The following DUOXA1 variants were observed in gnomAD, a reference collection of about 807,000 sequenced individuals.
The protein encoded by DUOXA1 is dual oxidase maturation factor 1.
A neutral mutation model predicts 26.6 loss-of-function variants in DUOXA1; 19 were observed. The ratio of observed to expected loss-of-function variants is 0.71; its 90% CI spans 0.50 to 1.05. The LOEUF is 1.05. DUOXA1 is among the 50% of genes least tolerant of loss of function. DUOXA1 has a pLI of 0.00. For missense variants in DUOXA1, 403 were observed against 427.5 expected (o/e 0.94, Z 0.51); for synonymous variants, 166 against 177.0 (o/e 0.94, Z 0.49).
At chr15:45,123,367 A>G (rs1232596295) in intron 3 of DUOXA1, among the ~76,000 whole-genome samples, 2 of 152,150 alleles carry the variant, frequency 1.3e-5, no homozygotes. Flanking sequence ...AAGAAATAAA[A>G]TTCTCTTCTC....
At position 45,122,900 on chromosome 15, in the gene DUOXA1, T is replaced by A. The variant is rs1178285317; in HGVS notation, c.115A>T (p.Ile39Phe). The A allele has an allele frequency of 1.2e-6, 2 of 1,612,054 alleles. No individual in the cohort carries two copies. The highest frequency in any genetic ancestry group is 1.7e-6 in the Non-Finnish European group (2 of 1,179,332). ...MIFLTALATF[I>F]VILPGIRGKT... ...CCCCGAATGCCAGGCAGGATGACGA[T>A]GAACGTGGCCAGTGCAGTCAGAAAG... The change falls in exon 4 of 9, where the codon ATC becomes TTC. Residue 39 changes from isoleucine to phenylalanine, a missense_variant. Coordinates refer to ENST00000560572, the MANE Select transcript of DUOXA1 (RefSeq NM_001276266.2).
At position 45,117,939 on chromosome 15, in the gene DUOXA1, C is replaced by T; in HGVS notation, c.*1167G>A. On this transcript the variant is annotated 3_prime_UTR_variant, in exon 9 of 9. Transcript: ENST00000560572. Reference sequence around the variant, plus strand: ...GACCCAATCTGGACTCCTTCCCCGCCTTGGGACATCGCAGGCCGGGAAGCA... The same window carrying T: ...GACCCAATCTGGACTCCTTCCCCGCTTTGGGACATCGCAGGCCGGGAAGCA... 3 of 1,613,116 alleles carry T rather than the reference C, an allele frequency of 1.9e-6. No homozygotes were observed. Among genetic ancestry groups the T allele is most frequent in the Non-Finnish European group, 1.7e-6 (2 of 1,179,932 alleles).
In DUOXA1 at chr15:45,119,382, C is replaced by G. The variant is rs770825058; in HGVS notation, c.773-17G>C. The stretch of plus-strand genomic sequence containing the variant: ...ACAGCAGTCCTGGAGATGAGGGCAA[C>G]AATTGTCCCACCTTAGTGCTAGTAA... On this transcript the variant is annotated splice_polypyrimidine_tract_variant and intron_variant, in intron 8 of 8. Coordinates refer to ENST00000560572, the MANE Select transcript of DUOXA1 (RefSeq NM_001276266.2). 2 of 1,594,348 alleles carry G rather than the reference C, an allele frequency of 1.3e-6. No individual in the cohort carries two copies. The highest frequency in any genetic ancestry group is 2.7e-5 in the African/African-American group (2 of 74,530).
chr15:45,126,180 T>A (rs962197158), intron 3 of DUOXA1, among the ~76,000 whole-genome samples: 8 of 152,126 alleles, frequency 5.3e-5, no homozygotes, highest in Non-Finnish European at 1.2e-4. Context: ...TCCAAAATAA[T>A]TTTTTTTCTA....
At chr15:45,119,498 G>A in intron 8 of DUOXA1, 133 bp from the exon 9 acceptor site, 1 of 1,391,642 alleles carries the variant, frequency 7.2e-7, no homozygotes. Flanking sequence ...GGCTCAGAGA[G>A]GTGACTGGCT....
intron 3 of DUOXA1, 34 bp from the exon 4 acceptor site, chr15:45,123,077 C>G: frequency 6.6e-7 from 1 of 1,524,378 alleles, no homozygotes; most frequent in Non-Finnish European, 8.8e-7. Flanking sequence ...ATTGCATGCC[C>G]TCAATGTACC....
At chr15:45,120,875 C>T in intron 6 of DUOXA1, 70 bp from the exon 7 acceptor site, 1 of 1,554,636 alleles carries the variant, frequency 6.4e-7, no homozygotes, top group Non-Finnish European at 8.8e-7. Flanking sequence ...GGGACTCACC[C>T]ACACTGGGCA....
Position 45,118,813 on chromosome 15 carries a change from G to A in DUOXA1, c.*293C>T. On this transcript the variant is annotated 3_prime_UTR_variant, in exon 9 of 9. Coordinates refer to ENST00000560572, the MANE Select transcript of DUOXA1 (RefSeq NM_001276266.2). Reference sequence around the variant, plus strand: ...TTTCAGTGAATAGCATCTTGAAGAGGCAAGGCAGCACGGAAAGGCTGGGTT... The same window carrying A: ...TTTCAGTGAATAGCATCTTGAAGAGACAAGGCAGCACGGAAAGGCTGGGTT... 8.9e-7 allele frequency: 1 copy of A among 1,121,712 alleles called. No individual in the cohort carries two copies. The highest frequency in any genetic ancestry group is 1.1e-6 in the Non-Finnish European group (1 of 917,190). The allele number at this position is 1,121,712 out of a possible 1,614,324, so 69.5% of individuals were successfully genotyped here.
intron 3 of DUOXA1, among the ~76,000 whole-genome samples, chr15:45,126,105 A>G (rs995802427): frequency 6.6e-5 from 10 of 152,188 alleles, no homozygotes; most frequent in African/African-American, 2.2e-4. Context: ...ATTTCTTGAA[A>G]CTATCCATGC....
chr15:45,118,465 A>ATTGG lies in DUOXA1; in HGVS notation c.*640_*641insCCAA. The ATTGG allele has an allele frequency of 9.9e-7, 1 of 1,010,646 alleles. No homozygotes were observed. The highest frequency in any genetic ancestry group is 1.2e-6 in the Non-Finnish European group (1 of 846,666). 62.6% of individuals were successfully genotyped at this position (1,010,646 alleles called of 1,614,324 possible). On this transcript the variant is annotated 3_prime_UTR_variant, in exon 9 of 9. Coordinates refer to ENST00000560572, the MANE Select transcript of DUOXA1 (RefSeq NM_001276266.2). ...CTTGTGAGGTGGTGTTTGAGGGCCAAGGTAGGTGTCAGCAAGGCATAGAAA... is the reference window on the plus strand; with the variant it reads ...CTTGTGAGGTGGTGTTTGAGGGCCAATTGGGGTAGGTGTCAGCAAGGCATAGAAA...
chr15:45,118,338 G>A lies in DUOXA1; in HGVS notation c.*768C>T, dbSNP rs1894826985. On this transcript the variant is annotated 3_prime_UTR_variant, in exon 9 of 9. Transcript: ENST00000560572. ...ACGTTAGGTGGCAGTGATGAGGCAG[G>A]TCACCCACTCCCCCGTCCTGGATGC... 1 of 1,192,680 alleles carries A rather than the reference G, an allele frequency of 8.4e-7. No individual in the cohort carries two copies. The highest frequency in any genetic ancestry group is 1.0e-6 in the Non-Finnish European group (1 of 960,328). The allele number at this position is 1,192,680 out of a possible 1,614,324, so 73.9% of individuals were successfully genotyped here. A position where few individuals can be genotyped will look rare whatever the true frequency, so the allele number is the denominator to read the frequency against.
chr15:45,126,613 A>C (rs533476948), intron 3 of DUOXA1, among the ~76,000 whole-genome samples: 1 of 152,344 alleles, frequency 6.6e-6, no homozygotes, highest in Non-Finnish European at 1.5e-5. Context: ...TTAGACTGTA[A>C]TCTCCTTGAG....
chr15:45,118,512 C>T lies in DUOXA1; in HGVS notation c.*594G>A. On this transcript the variant is annotated 3_prime_UTR_variant, in exon 9 of 9. Transcript: ENST00000560572. ...GAAAGATAAATCCCAAGATTCTTGG[C>T]AAGTCTTGCAATCTTATGTAGCAAA... 1.0e-6 allele frequency: 1 copy of T among 995,564 alleles called. No homozygotes were observed. The highest frequency in any genetic ancestry group is 1.2e-6 in the Non-Finnish European group (1 of 836,934). The allele number at this position is 995,564 out of a possible 1,614,324, so 61.7% of individuals were successfully genotyped here.
At chr15:45,120,866 G>A in intron 6 of DUOXA1, 61 bp from the exon 7 acceptor site, 1 of 1,573,056 alleles carries the variant, frequency 6.4e-7, no homozygotes, top group Non-Finnish European at 8.7e-7. Context: ...GCCTAGGTAG[G>A]GACTCACCCA....
At chr15:45,127,823 C>G (rs936583614) in intron 3 of DUOXA1, among the ~76,000 whole-genome samples, 5 of 152,186 alleles carry the variant, frequency 3.3e-5, no homozygotes, top group Non-Finnish European at 7.3e-5. Flanking sequence ...ATCACCATGA[C>G]TAGGATGTAT....
In DUOXA1 at chr15:45,122,260, T is replaced by C. The variant is rs1383746031; in HGVS notation, c.148-18A>G. 5 of 1,595,502 alleles carry C rather than the reference T, an allele frequency of 3.1e-6. No homozygotes were observed. Among genetic ancestry groups the C allele is most frequent in the African/African-American group, 1.3e-5 (1 of 74,798 alleles). On this transcript the variant is annotated intron_variant, in intron 4 of 8. Coordinates refer to ENST00000560572, the MANE Select transcript of DUOXA1 (RefSeq NM_001276266.2). ...AACAGCCTCTGAGTCACAAGGTAGG[T>C]GGGTTAAGTAAAGAGTGCCTTCCTT...
At chr15:45,119,629 A>G (rs2141183425) in intron 8 of DUOXA1, among the ~76,000 whole-genome samples, 1 of 152,162 alleles carries the variant, frequency 6.6e-6, no homozygotes, top group South Asian at 2.1e-4. Flanking sequence ...AACTCTGAAA[A>G]TAGGGAGAGA....
At chr15:45,128,515 A>G (rs1895872013) in intron 3 of DUOXA1, among the ~76,000 whole-genome samples, 5 of 152,194 alleles carry the variant, frequency 3.3e-5, no homozygotes, top group Admixed American at 3.3e-4. Flanking sequence ...TGGCTAGCTA[A>G]GGGGACCCTG....
chr15:45,123,738 A>C (rs1337740268), intron 3 of DUOXA1, among the ~76,000 whole-genome samples: 1 of 152,142 alleles, frequency 6.6e-6, no homozygotes, highest in Non-Finnish European at 1.5e-5. Flanking sequence ...TATTCCACAC[A>C]TTACCAACAA....
Sources: gnomAD v4.1 joint callset for allele counts (sites outside exome capture counted in the v4.1 genomes callset) on GRCh38, gnomAD v4.1.1 for gene constraint, MANE v1.5 for transcripts, NCBI Gene and HGNC (gene_info 2026-07-23, HGNC 2026-07-21) for gene names.